Variants in PAK1 observed in about 807,000 individuals in gnomAD.
PAK1 encodes the protein serine/threonine-protein kinase PAK 1.
Under a neutral mutation model 67.4 loss-of-function variants are expected in PAK1, and 29 were observed. The ratio of observed to expected loss-of-function variants is 0.43; its 90% confidence interval spans 0.32 to 0.59. The LOEUF is 0.59. PAK1 is among the 20% of genes least tolerant of loss of function. PAK1 has a pLI of 0.07. For missense variants in PAK1, 337 were observed against 670.7 expected (o/e 0.50, Z 5.50); for synonymous variants, 223 against 237.4 (o/e 0.94, Z 0.56).
intron 5 of PAK1, among the ~76,000 whole-genome samples, chr11:77,371,005 T>C (rs683762): frequency 0.24 from 36,796 of 152,124 alleles, 5,070 homozygotes; most frequent in Non-Finnish European, 0.31. Flanking sequence ...TACCTGATGC[T>C]TACTTAACAC....
In PAK1 at chr11:77,328,100, A is replaced by G. The variant is rs992338074; in HGVS notation, c.1551+4630T>C. ...CAAGAGCTAACTATCCTAAATATAT[A>G]TGCACCCAATACAGGAGCACCCAGA... On this transcript the variant is annotated intron_variant, in intron 14 of 14. Coordinates refer to ENST00000356341, the MANE Select transcript of PAK1 (RefSeq NM_002576.5). Among the ~76,000 whole-genome samples the G allele has an allele frequency of 5.2e-4, 79 of 152,334 alleles. 1 individual carries two copies. The highest frequency in any genetic ancestry group is 1.9e-3 in the African/African-American group (77 of 41,570).
rs984617431 is a variant in PAK1, at chr11:77,456,514, G to A, written c.-22+17038C>T. Among the ~76,000 whole-genome samples, 12 of 152,138 alleles carry A rather than the reference G, an allele frequency of 7.9e-5. No individual in the cohort carries two copies. The East Asian group carries it at 2.3e-3, about 29-fold the overall frequency. ...CAGAGAAGGTCTTTGTTTTCACAAG[G>A]CTTATATTCTAATTGAAGAATTAGG... is the stretch of plus-strand genomic sequence containing the variant. On this transcript the variant is annotated intron_variant, in intron 1 of 14. Transcript: ENST00000356341.
At chr11:77,507,987 C>CT in the PAK1 span, among the ~76,000 whole-genome samples, 1 of 152,212 alleles carries the variant, frequency 6.6e-6, no homozygotes, top group African/African-American at 2.4e-5. Context: ...CTTCATGCCC[C>CT]TTATCAGTCC....
intron 1 of PAK1, among the ~76,000 whole-genome samples, chr11:77,429,902 T>C (rs1227085975): frequency 6.6e-6 from 1 of 152,136 alleles, no homozygotes; most frequent in Non-Finnish European, 1.5e-5. Flanking sequence ...TAATGTGGGG[T>C]TGATGGAGGG....
chr11:77,384,681 T>G (rs1950236853), intron 2 of PAK1, among the ~76,000 whole-genome samples: 2 of 152,186 alleles, frequency 1.3e-5, no homozygotes, highest in African/African-American at 4.8e-5. Context: ...TCCATTTATA[T>G]GAAATGTCCA....
At chr11:77,484,398 C>T in the PAK1 span, among the ~76,000 whole-genome samples, 2 of 152,136 alleles carry the variant, frequency 1.3e-5, no homozygotes, top group East Asian at 1.9e-4. Context: ...AATATACCCC[C>T]TCGGGTGGAT....
intron 5 of PAK1, among the ~76,000 whole-genome samples, chr11:77,363,270 A>C (rs1947049986): frequency 6.6e-6 from 1 of 152,100 alleles, no homozygotes; most frequent in African/African-American, 2.4e-5. Context: ...GGCCACTGAA[A>C]TGTGACAACC....
the PAK1 span, among the ~76,000 whole-genome samples, chr11:77,508,431 G>C: frequency 1.8e-4 from 28 of 152,264 alleles, no homozygotes; most frequent in Admixed American, 5.9e-4. Flanking sequence ...TCCTGTGAGA[G>C]AAAGACATCC....
At chr11:77,331,329 T>G (rs1941461617) in intron 14 of PAK1, among the ~76,000 whole-genome samples, 1 of 152,194 alleles carries the variant, frequency 6.6e-6, no homozygotes, top group South Asian at 2.1e-4. Context: ...TAAAGACACA[T>G]GCACACGTAT....
chr11:77,417,944 C>A (rs1380694731), intron 1 of PAK1, among the ~76,000 whole-genome samples: 2 of 152,012 alleles, frequency 1.3e-5, no homozygotes, highest in African/African-American at 4.8e-5. Context: ...CCATGTTGGC[C>A]AGGCTGGTCT....
Position 77,336,179 on chromosome 11 carries a change from G to A in PAK1, c.1320C>T (p.Ala440=). ...WMAPEVVTRK[A]YGPKVDIWSL... is the part of the protein sequence containing the mutation. ...ACCAGATGTCAACCTTGGGCCCATAGGCCTTTCGTGTCACAACCTCTGGTG... is the reference window on the plus strand; with the variant it reads ...ACCAGATGTCAACCTTGGGCCCATAAGCCTTTCGTGTCACAACCTCTGGTG... The change falls in exon 13 of 15, where the codon GCC becomes GCT. Residue 440 remains alanine, a synonymous_variant. Transcript: ENST00000356341. 8.1e-6 allele frequency: 13 copies of A among 1,613,836 alleles called. No individual in the cohort carries two copies. Among genetic ancestry groups the A allele is most frequent in the South Asian group, 1.1e-5 (1 of 91,074 alleles).
chr11:77,360,664 C>G (rs1489777548), intron 5 of PAK1, among the ~76,000 whole-genome samples: 1 of 152,142 alleles, frequency 6.6e-6, no homozygotes, highest in Admixed American at 6.5e-5. Context: ...GTAAAAGATT[C>G]TGTTTTCCAT....
intron 14 of PAK1, chr11:77,325,325 T>C: frequency 6.2e-7 from 1 of 1,613,854 alleles, no homozygotes; most frequent in Non-Finnish European, 8.5e-7. Context: ...ATCTGCTACT[T>C]ACCAGCTATC....
At chr11:77,483,525 A>G in the PAK1 span, among the ~76,000 whole-genome samples, 1 of 152,252 alleles carries the variant, frequency 6.6e-6, no homozygotes, top group Non-Finnish European at 1.5e-5. Flanking sequence ...CAGAGCACAG[A>G]TCAGTTGTTG....
intron 1 of PAK1, among the ~76,000 whole-genome samples, chr11:77,401,033 GA>G (rs1161014694): frequency 3.9e-5 from 6 of 152,282 alleles, no homozygotes; most frequent in Non-Finnish European, 7.4e-5. Flanking sequence ...AGAGGCAAAG[GA>G]AAGGAATAGA....
At position 77,353,275 on chromosome 11, in the gene PAK1, T is replaced by A. The variant is rs527416601; in HGVS notation, c.836+261A>T. 1.3e-5 allele frequency: 5 copies of A among 377,518 alleles called. No individual in the cohort carries two copies. In the South Asian group the frequency reaches 2.5e-4, roughly 19 times the overall value. The allele number at this position is 377,518 out of a possible 1,614,324, so 23.4% of individuals were successfully genotyped here. A position where few individuals can be genotyped will look rare whatever the true frequency, so the allele number is the denominator to read the frequency against. The stretch of plus-strand genomic sequence containing the variant: ...GAGTTGTAATTTGGGAAGTTGGTTT[T>A]GTGCTAAGAAAAAAAACCGTTCTCT... On this transcript the variant is annotated intron_variant, in intron 8 of 14. Coordinates refer to ENST00000356341, the MANE Select transcript of PAK1 (RefSeq NM_002576.5).
chr11:77,403,122 G>A (rs1198639872), intron 1 of PAK1, among the ~76,000 whole-genome samples: 1 of 152,158 alleles, frequency 6.6e-6, no homozygotes, highest in Non-Finnish European at 1.5e-5. Context: ...CTACCTATCA[G>A]TGTAGTCCTT....
the PAK1 span, among the ~76,000 whole-genome samples, chr11:77,513,362 T>C: frequency 6.6e-6 from 1 of 152,074 alleles, no homozygotes; most frequent in Non-Finnish European, 1.5e-5. Context: ...AATAATGGAA[T>C]ATGAATTTGA....
chr11:77,447,615 C>T (rs1185787870), intron 1 of PAK1, among the ~76,000 whole-genome samples: 1 of 152,082 alleles, frequency 6.6e-6, no homozygotes, highest in African/African-American at 2.4e-5. Context: ...ACCTCCACCT[C>T]CCGGGTTCAA....
Sources: gnomAD v4.1 joint callset for allele counts (sites outside exome capture counted in the v4.1 genomes callset) on GRCh38, gnomAD v4.1.1 for gene constraint, MANE v1.5 for transcripts, NCBI Gene and HGNC (gene_info 2026-07-23, HGNC 2026-07-21) for gene names.